Variants in ZNF473 observed in about 807,000 individuals in gnomAD.
The protein encoded by ZNF473 is zinc finger protein 473, also known as zinc finger protein 100 homolog.
Under a neutral mutation model 11.1 loss-of-function variants are expected in ZNF473, and 4 were observed. The observed-to-expected ratio is 0.36, with a 90% CI of 0.18 to 0.82. The LOEUF (loss-of-function observed/expected upper bound fraction) is 0.82. Ranked by LOEUF, ZNF473 falls within the 40% of genes least tolerant of loss-of-function variation. ZNF473 has a pLI of 0.49. For synonymous variants in ZNF473, 404 were observed against 390.4 expected (o/e 1.03, Z -0.41); for missense variants, 854 against 1,084.0 (o/e 0.79, Z 2.98).
chr19:50,046,245 G>A lies in ZNF473; in HGVS notation c.1802G>A (p.Gly601Asp), dbSNP rs1387078475. ...TGTGACCAGTGTGGGAAAGCCTTTG[G>A]CCAAAGTACTCGGCTCATTCACCAT... The part of the protein sequence containing the change: ...FECDQCGKAF[G>D]QSTRLIHHQR... Residue 601 changes from glycine (G) to aspartate (D), a missense_variant, in exon 5 of 5, where the codon GGC becomes GAC. Coordinates refer to ENST00000270617, the MANE Select transcript of ZNF473 (RefSeq NM_015428.4). The surrounding 1 kb of genome is among the most constrained non-coding windows in gnomAD (Gnocchi z 5.9). 7 of 1,613,924 alleles carry A rather than the reference G, an allele frequency of 4.3e-6. No individual in the cohort carries two copies. In the Admixed American group the frequency reaches 8.3e-5, roughly 19 times the overall value.
At chr19:50,031,654 T>TA (rs922929601) in intron 2 of ZNF473, among the ~76,000 whole-genome samples, 2 of 152,110 alleles carry the variant, frequency 1.3e-5, no homozygotes, top group Admixed American at 1.3e-4. Flanking sequence ...TCCACCTAGA[T>TA]ATGGATGTTC....
At chr19:50,033,699 G>C (rs1356058549) in intron 2 of ZNF473, among the ~76,000 whole-genome samples, 1 of 152,178 alleles carries the variant, frequency 6.6e-6, no homozygotes, top group African/African-American at 2.4e-5. Flanking sequence ...TGTCAGCAGG[G>C]TGCGTTCCTT....
At position 50,045,111 on chromosome 19, in the gene ZNF473, G is replaced by A. The variant is rs142586043; in HGVS notation, c.668G>A (p.Arg223His). ...GGGAAAAGCTTCAGTGGGAGTTACC[G>A]TCTTACCCAGCACTGGATCACTCAT... is the stretch of plus-strand genomic sequence containing the variant. The part of the protein sequence containing the change: ...ECGKSFSGSY[R>H]LTQHWITHTR... Residue 223 changes from arginine to histidine, a missense_variant, in exon 5 of 5, where the codon CGT becomes CAT. Arg to His is a conservative substitution (Grantham distance 29). Transcript: ENST00000270617. 2.6e-4 allele frequency: 412 copies of A among 1,614,184 alleles called. 3 individuals carry two copies. In the African/African-American group the frequency reaches 4.1e-3, roughly 16 times the overall value.
chr19:50,029,645 A>G (rs2077307029), intron 1 of ZNF473, among the ~76,000 whole-genome samples: 1 of 152,208 alleles, frequency 6.6e-6, no homozygotes, highest in Non-Finnish European at 1.5e-5. Flanking sequence ...CACGCAGTGG[A>G]TACAAATGGG....
In ZNF473 at chr19:50,039,124, C is replaced by T; in HGVS notation, c.10-37C>T. 1 of 1,611,710 alleles carries T rather than the reference C, an allele frequency of 6.2e-7. No individual in the cohort carries two copies. The highest frequency in any genetic ancestry group is 8.5e-7 in the Non-Finnish European group (1 of 1,178,278). On this transcript the variant is annotated intron_variant, in intron 2 of 4. Coordinates refer to ENST00000270617, the MANE Select transcript of ZNF473 (RefSeq NM_015428.4). This position sits in a 1 kb window ranked among gnomAD's most constrained non-coding sequence, Gnocchi z 4.8. Reference sequence around the variant, plus strand: ...TGAGCTGTTGGGCTCCTCCCTGACCCCAGCCTCTGAGTGACCAATAGTGTA... The same window carrying T: ...TGAGCTGTTGGGCTCCTCCCTGACCTCAGCCTCTGAGTGACCAATAGTGTA...
chr19:50,036,360 C>T (rs1181880111), intron 2 of ZNF473, among the ~76,000 whole-genome samples: 2 of 133,450 alleles, frequency 1.5e-5, no homozygotes, highest in East Asian at 2.4e-4. Flanking sequence ...GTCACCCAGG[C>T]TGGAGTGCAG....
chr19:50,045,707 C>G lies in ZNF473; in HGVS notation c.1264C>G (p.Gln422Glu), dbSNP rs142717591. ...FRHNSTLKIH[Q>E]RVHSGEKPYK... ...GCATAACTCTACCCTAAAGATCCAT[C>G]AGAGGGTTCACAGTGGAGAGAAGCC... Residue 422 changes from glutamine to glutamate, a missense_variant, in exon 5 of 5, where the codon CAG becomes GAG. Transcript: ENST00000270617. The G allele has an allele frequency of 1.9e-6, 3 of 1,614,086 alleles. No homozygotes were observed. Among genetic ancestry groups the G allele is most frequent in the African/African-American group, 2.7e-5 (2 of 75,000 alleles).
In ZNF473 at chr19:50,047,121, A is replaced by G. The variant is rs1428792419; in HGVS notation, c.*62A>G. 8.7e-6 allele frequency: 12 copies of G among 1,385,344 alleles called. No homozygotes were observed. Among genetic ancestry groups the G allele is most frequent in the African/African-American group, 1.4e-5 (1 of 69,604 alleles). 85.8% of individuals were successfully genotyped at this position (1,385,344 alleles called of 1,614,324 possible). A position where few individuals can be genotyped will look rare whatever the true frequency, so the allele number is the denominator to read the frequency against. Reference sequence around the variant, plus strand: ...GTTACTCGGATGTTGAAAGTTGGAAACTATCCCATTGCAAGTTTCTCTCCA... The same window carrying G: ...GTTACTCGGATGTTGAAAGTTGGAAGCTATCCCATTGCAAGTTTCTCTCCA... On this transcript the variant is annotated 3_prime_UTR_variant, in exon 5 of 5. Coordinates refer to ENST00000270617, the MANE Select transcript of ZNF473 (RefSeq NM_015428.4).
rs752041692 is a variant in ZNF473, at chr19:50,046,259, C to T, written c.1816C>T (p.Leu606Phe). Residue 606 changes from leucine (L) to phenylalanine (F), a missense_variant, in exon 5 of 5, where the codon CTC becomes TTC. Leu to Phe is a conservative substitution (Grantham distance 22). Around this residue, in one of 2 missense-constraint regions of ZNF473, gnomAD observed 668 missense variants for 790.2 expected, o/e 0.85. Coordinates refer to ENST00000270617, the MANE Select transcript of ZNF473 (RefSeq NM_015428.4). The surrounding 1 kb of genome is among the most constrained non-coding windows in gnomAD (Gnocchi z 5.9). ...CGKAFGQSTR[L>F]IHHQRIHSRV... is the part of the protein sequence containing the mutation. The stretch of plus-strand genomic sequence containing the variant: ...GAAAGCCTTTGGCCAAAGTACTCGG[C>T]TCATTCACCATCAAAGAATCCACTC... 15 of 1,614,062 alleles carry T rather than the reference C, an allele frequency of 9.3e-6. No homozygotes were observed. The highest frequency in any genetic ancestry group is 1.7e-5 in the Admixed American group (1 of 60,008).
chr19:50,042,823 GGCCGAGGGAACAACATGAGCACAA>G (rs1429265771), intron 4 of ZNF473: 3 of 152,258 alleles, frequency 2.0e-5, no homozygotes, highest in African/African-American at 7.2e-5. Flanking sequence ...GTGCATTTGA[GGCCGAGGGAACAACATGAGCACAA>G]GTGTGGTGAG....
chr19:50,039,146 T>C lies in ZNF473; in HGVS notation c.10-15T>C, dbSNP rs1486587689. 1.9e-6 allele frequency: 3 copies of C among 1,613,626 alleles called. No homozygotes were observed. Among genetic ancestry groups the C allele is most frequent in the African/African-American group, 2.7e-5 (2 of 74,914 alleles). Reference sequence around the variant, plus strand: ...ACCCCAGCCTCTGAGTGACCAATAGTGTACTGTGTTTCAGGAATTTGTGAC... The same window carrying C: ...ACCCCAGCCTCTGAGTGACCAATAGCGTACTGTGTTTCAGGAATTTGTGAC... On this transcript the variant is annotated splice_polypyrimidine_tract_variant and intron_variant, in intron 2 of 4. Transcript: ENST00000270617. The surrounding 1 kb of genome is among the most constrained non-coding windows in gnomAD (Gnocchi z 4.8).
At chr19:50,028,059 A>T (rs920792071) in intron 1 of ZNF473, among the ~76,000 whole-genome samples, 1 of 151,706 alleles carries the variant, frequency 6.6e-6, no homozygotes, top group South Asian at 2.1e-4. Flanking sequence ...AGCACTTTGG[A>T]AGGCCGAGGT....
Position 50,039,426 on chromosome 19 carries a change from C to A in ZNF473, c.136+139C>A. 1.7e-6 allele frequency: 2 copies of A among 1,171,358 alleles called. No homozygotes were observed. The highest frequency in any genetic ancestry group is 2.4e-6 in the Non-Finnish European group (2 of 839,764). The allele number at this position is 1,171,358 out of a possible 1,614,324, so 72.6% of individuals were successfully genotyped here. A position where few individuals can be genotyped will look rare whatever the true frequency, so the allele number is the denominator to read the frequency against. ...ACCTAGCCCAGCAGTTCTCAGCTGG[C>A]CGAGGAGACATTGGCAATGTGTGGA... On this transcript the variant is annotated intron_variant, in intron 3 of 4. Transcript: ENST00000270617. The surrounding 1 kb of genome is among the most constrained non-coding windows in gnomAD (Gnocchi z 4.8).
At position 50,047,053 on chromosome 19, in the gene ZNF473, C is replaced by T. The variant is rs1175779641; in HGVS notation, c.2610C>T (p.Cys870=). 1 of 1,602,612 alleles carries T rather than the reference C, an allele frequency of 6.2e-7. No individual in the cohort carries two copies. Among genetic ancestry groups the T allele is most frequent in the Admixed American group, 1.7e-5 (1 of 59,804 alleles). The change falls in exon 5 of 5, where the codon TGC becomes TGT. Residue 870 remains cysteine, a synonymous_variant. Coordinates refer to ENST00000270617, the MANE Select transcript of ZNF473 (RefSeq NM_015428.4). ...GTGTACACAACAAGCAGCAATACTGCCTGTAGCCATTGGGTGGCAGCAGAG... is the reference window on the plus strand; with the variant it reads ...GTGTACACAACAAGCAGCAATACTGTCTGTAGCCATTGGGTGGCAGCAGAG... ...HQRVHNKQQY[C]L
rs1979256780 is a variant in ZNF473 at position 50,048,310 on chromosome 19, A to T, written c.*1251A>T. ...AAGTGGCTCAGTCACACCTTTGCTG[A>T]AACACAGTAGTCTTATGAAAAGCAC... On this transcript the variant is annotated 3_prime_UTR_variant, in exon 5 of 5. Transcript: ENST00000270617. The T allele has an allele frequency of 6.6e-6, 1 of 152,254 alleles. No homozygotes were observed. The highest frequency in any genetic ancestry group is 1.5e-5 in the Non-Finnish European group (1 of 68,056). The allele number at this position is 152,254 out of a possible 1,614,324, so 9.4% of individuals were successfully genotyped here. A position where few individuals can be genotyped will look rare whatever the true frequency, so the allele number is the denominator to read the frequency against.
intron 2 of ZNF473, among the ~76,000 whole-genome samples, chr19:50,037,354 C>G (rs1358710422): frequency 2.0e-5 from 3 of 152,052 alleles, no homozygotes; most frequent in Admixed American, 2.0e-4. Context: ...TACCTCAGAC[C>G]CAAACTAAAG....
intron 1 of ZNF473, among the ~76,000 whole-genome samples, chr19:50,027,633 G>A (rs1183170752): frequency 6.6e-6 from 1 of 152,126 alleles, no homozygotes; most frequent in African/African-American, 2.4e-5. Flanking sequence ...TGACATACAG[G>A]AAAGAAGAGA....
Position 50,048,138 on chromosome 19 carries a change from A to G in ZNF473, c.*1079A>G, listed in dbSNP as rs952248751. 3 of 152,228 alleles carry G rather than the reference A, an allele frequency of 2.0e-5. No homozygotes were observed. Among genetic ancestry groups the G allele is most frequent in the Non-Finnish European group, 4.4e-5 (3 of 68,048 alleles). 9.4% of individuals were successfully genotyped at this position (152,228 alleles called of 1,614,324 possible). A position where few individuals can be genotyped will look rare whatever the true frequency, so the allele number is the denominator to read the frequency against. ...TCATCGACGATTGCTGTTAGTTGAC[A>G]AGTGACATCTTGAAAATGCCACATT... On this transcript the variant is annotated 3_prime_UTR_variant, in exon 5 of 5. Coordinates refer to ENST00000270617, the MANE Select transcript of ZNF473 (RefSeq NM_015428.4).
At position 50,045,220 on chromosome 19, in the gene ZNF473, C is replaced by T. The variant is rs1568410781; in HGVS notation, c.777C>T (p.His259=). Residue 259 remains histidine, a synonymous_variant, in exon 5 of 5, where the codon CAC becomes CAT. Transcript: ENST00000270617. ...NASLSVYPKT[H]TGYKFYVCNE... ...CCCTTTCTGTGTATCCGAAAACTCA[C>T]ACGGGCTACAAATTCTATGTGTGTA... The T allele has an allele frequency of 6.8e-6, 11 of 1,614,210 alleles. No homozygotes were observed. The highest frequency in any genetic ancestry group is 9.3e-6 in the Non-Finnish European group (11 of 1,180,044).
Sources: gnomAD v4.1 joint callset for allele counts (sites outside exome capture counted in the v4.1 genomes callset) on GRCh38, gnomAD v4.1.1 for gene constraint, gnomAD v4.1.1 regional missense constraint, Gnocchi (gnomAD v3.1) non-coding constraint, MANE v1.5 for transcripts, NCBI Gene and HGNC (gene_info 2026-07-23, HGNC 2026-07-21) for gene names.